SPAG16: variants seen among roughly 807,000 people sequenced by gnomAD.
SPAG16 encodes the protein sperm associated antigen 16.
Under a neutral mutation model 80.4 loss-of-function variants are expected in SPAG16, and 86 were observed. The ratio of observed to expected loss-of-function variants is 1.07; its 90% confidence interval spans 0.90 to 1.28. The LOEUF is 1.28. Ranked by LOEUF, SPAG16 falls within the 50% of genes most tolerant of loss-of-function variation. The pLI, the probability that SPAG16 is intolerant of heterozygous loss-of-function variation, is 0.00. For missense variants in SPAG16, 870 were observed against 765.3 expected, an observed-to-expected ratio of 1.14 and a Z score of -1.61; for synonymous variants, 294 against 265.9, an observed-to-expected ratio of 1.11 and a Z score of -1.03.
chr2:213,999,264 T>A (rs548273162), intron 12 of SPAG16, among the ~76,000 whole-genome samples: 1 of 152,258 alleles, frequency 6.6e-6, no homozygotes, highest in South Asian at 2.1e-4. Context: ...CCTAAGGACT[T>A]TTTGCCCTGC....
chr2:213,417,966 C>A (rs755057345), intron 9 of SPAG16, among the ~76,000 whole-genome samples: 3 of 151,872 alleles, frequency 2.0e-5, no homozygotes, highest in African/African-American at 7.3e-5. Flanking sequence ...ATCTGCTTCC[C>A]AGGTTCAAGC....
chr2:214,031,406 G>A (rs1444901063), intron 13 of SPAG16, among the ~76,000 whole-genome samples: 1 of 123,366 alleles, frequency 8.1e-6, no homozygotes, highest in Admixed American at 9.1e-5. Context: ...CATGGACACA[G>A]GAAGGGGAAC....
At chr2:213,558,472 A>ATT (rs34254283) in intron 10 of SPAG16, among the ~76,000 whole-genome samples, 5,915 of 150,160 alleles carry the variant, frequency 0.039, 352 homozygotes, top group African/African-American at 0.13. Context: ...TTACATGAGA[A>ATT]TTTTTTTTTT....
At chr2:214,289,858 C>T (rs1334491275) in intron 15 of SPAG16, among the ~76,000 whole-genome samples, 1 of 151,998 alleles carries the variant, frequency 6.6e-6, no homozygotes, top group Non-Finnish European at 1.5e-5. Flanking sequence ...ATCCATAAGC[C>T]TGGGATACTG....
At position 214,146,602 on chromosome 2, in the gene SPAG16, A is replaced by G. The variant is rs567012888; in HGVS notation, c.1594-2538A>G. ...CTCCAAACACTGTAATAGACACTGCATCTGCCTCACTAGCTAACTGGATAT... is the reference window on the plus strand; with the variant it reads ...CTCCAAACACTGTAATAGACACTGCGTCTGCCTCACTAGCTAACTGGATAT... On this transcript the variant is annotated intron_variant, in intron 14 of 15. Coordinates refer to ENST00000331683, the MANE Select transcript of SPAG16 (RefSeq NM_024532.5). Among the ~76,000 whole-genome samples, 7 of 152,326 alleles carry G rather than the reference A, an allele frequency of 4.6e-5. No homozygotes were observed. In the East Asian group the frequency reaches 1.4e-3, roughly 29 times the overall value.
chr2:213,567,523 G>T (rs2059817301), intron 10 of SPAG16, among the ~76,000 whole-genome samples: 1 of 119,274 alleles, frequency 8.4e-6, no homozygotes, highest in African/African-American at 3.9e-5. Flanking sequence ...GAGAATGATG[G>T]TTTCCAACTT....
chr2:214,092,464 C>T (rs1433396895), intron 13 of SPAG16, among the ~76,000 whole-genome samples: 11 of 150,704 alleles, frequency 7.3e-5, no homozygotes, highest in African/African-American at 2.7e-4. Context: ...TGTGAATGGC[C>T]TATTCATATC....
At chr2:213,482,929 C>T (rs7557848) in intron 9 of SPAG16, among the ~76,000 whole-genome samples, 66,858 of 151,978 alleles carry the variant, frequency 0.44, 15,772 homozygotes, top group African/African-American at 0.6. Context: ...TTAAAAGTAA[C>T]ATTAATTCCT....
chr2:213,721,646 C>G (rs2066539925), intron 10 of SPAG16, among the ~76,000 whole-genome samples: 2 of 152,162 alleles, frequency 1.3e-5, no homozygotes, highest in Non-Finnish European at 2.9e-5. Flanking sequence ...ATAGTTTTCA[C>G]TAGTCAGCAC....
intron 15 of SPAG16, among the ~76,000 whole-genome samples, chr2:214,293,143 G>A (rs532616726): frequency 5.9e-5 from 9 of 152,310 alleles, no homozygotes; most frequent in Admixed American, 3.3e-4. Flanking sequence ...CCCCCAGATG[G>A]CTTTCTCAGA....
intron 10 of SPAG16, among the ~76,000 whole-genome samples, chr2:213,729,230 A>T (rs1008753327): frequency 6.6e-6 from 1 of 152,192 alleles, no homozygotes; most frequent in Non-Finnish European, 1.5e-5. Flanking sequence ...TCCAAAGAAT[A>T]TTCTTTAAGA....
At chr2:213,756,524 G>A (rs1448400569) in intron 10 of SPAG16, among the ~76,000 whole-genome samples, 1 of 152,098 alleles carries the variant, frequency 6.6e-6, no homozygotes, top group Admixed American at 6.6e-5. Flanking sequence ...ATTGAGCAAG[G>A]CCTTTGCTTA....
At chr2:213,971,940 G>A (rs2045087007) in intron 12 of SPAG16, among the ~76,000 whole-genome samples, 1 of 151,224 alleles carries the variant, frequency 6.6e-6, no homozygotes, top group African/African-American at 2.4e-5. Context: ...GTGTGTGTGT[G>A]TGTGTTTTCA....
At chr2:213,723,664 G>C (rs2066625687) in intron 10 of SPAG16, among the ~76,000 whole-genome samples, 1 of 152,274 alleles carries the variant, frequency 6.6e-6, no homozygotes, top group Non-Finnish European at 1.5e-5. Context: ...CTAACCCAGA[G>C]GAATAGAATG....
At chr2:214,391,761 C>T (rs1005491969) in intron 15 of SPAG16, among the ~76,000 whole-genome samples, 1 of 152,100 alleles carries the variant, frequency 6.6e-6, no homozygotes, top group Admixed American at 6.6e-5. Context: ...TTGATGTCAC[C>T]AGCTACAAAG....
At chr2:213,712,361 A>G (rs1373432786) in intron 10 of SPAG16, among the ~76,000 whole-genome samples, 1 of 152,180 alleles carries the variant, frequency 6.6e-6, no homozygotes, top group Non-Finnish European at 1.5e-5. Context: ...CTTTGAAAAT[A>G]TCATAGGTGA....
At chr2:213,521,012 T>A (rs1025922644) in intron 10 of SPAG16, among the ~76,000 whole-genome samples, 3 of 152,164 alleles carry the variant, frequency 2.0e-5, no homozygotes, top group African/African-American at 7.2e-5. Flanking sequence ...ATCTGCCAGA[T>A]GCTTTGATTG....
At chr2:213,468,247 G>A (rs2072818415) in intron 9 of SPAG16, among the ~76,000 whole-genome samples, 1 of 151,762 alleles carries the variant, frequency 6.6e-6, no homozygotes, top group Admixed American at 6.6e-5. Context: ...GAGAGGCTTA[G>A]TTTTAGTCCT....
rs573085850 is a variant in SPAG16, at chr2:213,682,393, A to G, written c.1071-180092A>G. On this transcript the variant is annotated intron_variant, in intron 10 of 15. Transcript: ENST00000331683. The stretch of plus-strand genomic sequence containing the variant: ...TATACACTTTGATGTTGATTTCTTT[A>G]TACTTTGAAAGCATTTATAGGAAGT... Among the ~76,000 whole-genome samples, 122 of 152,338 alleles carry G rather than the reference A, an allele frequency of 8.0e-4. 2 individuals carry two copies. The South Asian group carries it at 0.022, about 28-fold the overall frequency.
Sources: allele counts gnomAD v4.1 joint callset (sites outside exome capture counted in the v4.1 genomes callset), GRCh38; gene constraint gnomAD v4.1.1; transcripts MANE v1.5; gene names NCBI Gene and HGNC (gene_info 2026-07-23, HGNC 2026-07-21).